SATB1: variants seen among roughly 807,000 people sequenced by gnomAD.
The protein encoded by SATB1 is DNA-binding protein SATB1.
A neutral mutation model predicts 86.9 loss-of-function variants in SATB1; 11 were observed. The ratio of observed to expected loss-of-function variants is 0.13; its 90% confidence interval spans 0.08 to 0.21. SATB1 has a LOEUF of 0.21. Among genes scored for constraint, SATB1 ranks in the 10% least tolerant of loss-of-function variants. The pLI is 1.00. For synonymous variants in SATB1, 357 were observed against 357.2 expected (o/e 1.00, Z 0.01); for missense variants, 551 against 937.6 (o/e 0.59, Z 5.39).
Position 18,352,961 on chromosome 3 carries a change from A to G in SATB1, c.1576-766T>C, listed in dbSNP as rs764288674. 2.6e-5 allele frequency: 4 copies of G among 152,192 alleles called. No homozygotes were observed. Among genetic ancestry groups the G allele is most frequent in the Non-Finnish European group, 4.4e-5 (3 of 68,116 alleles). The allele number at this position is 152,192 out of a possible 1,614,324, so 9.4% of individuals were successfully genotyped here. On this transcript the variant is annotated intron_variant, in intron 9 of 10. Transcript: ENST00000338745. This position sits in a 1 kb window ranked among gnomAD's most constrained non-coding sequence, Gnocchi z 4.1. ...CAGTTTTTTTACCCTGAGGTTATCT[A>G]TCAAGAACTGAATGATCATGAAGAA...
intron 5 of SATB1, among the ~76,000 whole-genome samples, chr3:18,402,639 G>T (rs1344095005): frequency 6.6e-6 from 1 of 152,122 alleles, no homozygotes; most frequent in Non-Finnish European, 1.5e-5. Flanking sequence ...TGTACCGGAA[G>T]CCAGCAGCTT....
chr3:18,352,364 T>C lies in SATB1; in HGVS notation c.1576-169A>G. The C allele has an allele frequency of 1.7e-6, 1 of 595,396 alleles. No homozygotes were observed. The highest frequency in any genetic ancestry group is 3.0e-5 in the Admixed American group (1 of 33,706). 36.9% of individuals were successfully genotyped at this position (595,396 alleles called of 1,614,324 possible). On this transcript the variant is annotated intron_variant, in intron 9 of 10. Transcript: ENST00000338745. The surrounding 1 kb of genome is among the most constrained non-coding windows in gnomAD (Gnocchi z 4.1). ...CTTGTTAAGAGAGGTTATCTGTGGCTGTCAAGGAGGCAGACTCTGTTTCTA... is the reference window on the plus strand; with the variant it reads ...CTTGTTAAGAGAGGTTATCTGTGGCCGTCAAGGAGGCAGACTCTGTTTCTA...
chr3:18,353,072 T>C (rs1398034229), intron 9 of SATB1: 1 of 152,286 alleles, frequency 6.6e-6, no homozygotes, highest in Non-Finnish European at 1.5e-5. Context: ...TAAGGGTGTC[T>C]GATCCAGACC....
At chr3:18,378,718 G>A (rs1695890354) in intron 8 of SATB1, among the ~76,000 whole-genome samples, 1 of 152,116 alleles carries the variant, frequency 6.6e-6, no homozygotes, top group Non-Finnish European at 1.5e-5. Context: ...TTCACTGGGT[G>A]CCCGGTGCCT....
intron 9 of SATB1, among the ~76,000 whole-genome samples, chr3:18,367,646 A>C (rs1164275803): frequency 1.3e-5 from 2 of 152,190 alleles, no homozygotes; most frequent in Non-Finnish European, 2.9e-5. Flanking sequence ...AATTTAATGA[A>C]AAGATGTGCT....
intron 9 of SATB1, among the ~76,000 whole-genome samples, chr3:18,365,791 C>A (rs1292278054): frequency 6.6e-6 from 1 of 152,116 alleles, no homozygotes; most frequent in African/African-American, 2.4e-5. Context: ...TTATGGTTAT[C>A]CAGGGTCCAA....
intron 5 of SATB1, among the ~76,000 whole-genome samples, chr3:18,399,908 G>C (rs181072067): frequency 1.3e-5 from 2 of 152,182 alleles, no homozygotes; most frequent in Admixed American, 1.3e-4. Flanking sequence ...TTCATGAGGT[G>C]TATGTGTGTG....
At chr3:18,400,333 C>A (rs958038215) in intron 5 of SATB1, among the ~76,000 whole-genome samples, 11 of 152,150 alleles carry the variant, frequency 7.2e-5, no homozygotes, top group African/African-American at 2.7e-4. Flanking sequence ...AATATAAACA[C>A]TAAATGTTCA....
intron 2 of SATB1, among the ~76,000 whole-genome samples, chr3:18,436,595 A>T (rs1001063291): frequency 9.2e-5 from 14 of 152,020 alleles, no homozygotes; most frequent in African/African-American, 3.4e-4. Context: ...AAAACAGAAA[A>T]TTAGAAAGAA....
rs1553613719 is a variant in SATB1, at chr3:18,349,662, T to TTGCTGTTGC, written c.1791_1799dup (p.Gln605_Gln607dup). 6.2e-7 allele frequency: 1 copy of TTGCTGTTGC among 1,603,632 alleles called. No individual in the cohort carries two copies. Among genetic ancestry groups the TTGCTGTTGC allele is most frequent in the African/African-American group, 1.3e-5 (1 of 74,766 alleles). ...GTGCCTGCTGCTGCTGCTGCTGCTG[T>TTGCTGTTGC]TGCTGTTGCTGCTGCTGTTGCTGCA... On this transcript the variant is annotated inframe_insertion, in exon 11 of 11. Coordinates refer to ENST00000338745, the MANE Select transcript of SATB1 (RefSeq NM_002971.6). This position sits in a 1 kb window ranked among gnomAD's most constrained non-coding sequence, Gnocchi z 5.5.
intron 5 of SATB1, among the ~76,000 whole-genome samples, chr3:18,404,469 C>G (rs1423092592): frequency 6.6e-6 from 1 of 151,984 alleles, no homozygotes; most frequent in Non-Finnish European, 1.5e-5. Context: ...CAAAGTAACC[C>G]TGGCACATTG....
At position 18,386,254 on chromosome 3, in the gene SATB1, G is replaced by T; in HGVS notation, c.1419+145C>A. On this transcript the variant is annotated intron_variant, in intron 8 of 10. Coordinates refer to ENST00000338745, the MANE Select transcript of SATB1 (RefSeq NM_002971.6). The surrounding 1 kb of genome is among the most constrained non-coding windows in gnomAD (Gnocchi z 4.5). ...GTTTTTATATCAGAATTAATGATTT[G>T]GGACCAAATTCTCCTCAAGCAACTA... is the stretch of plus-strand genomic sequence containing the variant. 1.5e-6 allele frequency: 1 copy of T among 645,224 alleles called. No homozygotes were observed. The highest frequency in any genetic ancestry group is 2.7e-6 in the Non-Finnish European group (1 of 377,200). 40.0% of individuals were successfully genotyped at this position (645,224 alleles called of 1,614,324 possible).
intron 3 of SATB1, 126 bp downstream of exon 3, chr3:18,416,776 C>T: frequency 1.1e-6 from 1 of 918,306 alleles, no homozygotes; most frequent in Non-Finnish European, 1.6e-6. Context: ...TTTAAAGCCA[C>T]AGCCTATAAG....
At chr3:18,437,365 G>T (rs1174183280) in intron 1 of SATB1, among the ~76,000 whole-genome samples, 1 of 152,002 alleles carries the variant, frequency 6.6e-6, no homozygotes, top group Non-Finnish European at 1.5e-5. Flanking sequence ...AAATTAAGTT[G>T]CTTTAGTAGA....
intron 2 of SATB1, 63 bp from the exon 3 acceptor site, chr3:18,417,141 G>A: frequency 6.6e-7 from 1 of 1,519,452 alleles, no homozygotes; most frequent in Non-Finnish European, 9.0e-7. Context: ...CAGCTTGGGG[G>A]TGGCGGGAGG....
intron 9 of SATB1, among the ~76,000 whole-genome samples, chr3:18,374,518 G>A (rs531836569): frequency 6.6e-6 from 1 of 152,226 alleles, no homozygotes; most frequent in Admixed American, 6.5e-5. Context: ...CTCACATTAT[G>A]TTTAAAGCAT....
At chr3:18,366,762 T>C (rs1695208174) in intron 9 of SATB1, among the ~76,000 whole-genome samples, 1 of 152,156 alleles carries the variant, frequency 6.6e-6, no homozygotes, top group African/African-American at 2.4e-5. Flanking sequence ...ACTCACACCA[T>C]GTAATATGGA....
rs539701376 is a variant in SATB1 at position 18,345,864 on chromosome 3, G to C, written c.*3306C>G. ...CAATCAAAGACCTTAATATCAGCCA[G>C]ATGCTAACAATTGGGAATAGGGCAG... On this transcript the variant is annotated 3_prime_UTR_variant, in exon 11 of 11. Transcript: ENST00000338745. The C allele has an allele frequency of 6.6e-6, 1 of 152,058 alleles. No homozygotes were observed. Among genetic ancestry groups the C allele is most frequent in the Non-Finnish European group, 1.5e-5 (1 of 67,960 alleles). 9.4% of individuals were successfully genotyped at this position (152,058 alleles called of 1,614,324 possible).
intron 7 of SATB1, among the ~76,000 whole-genome samples, chr3:18,389,870 G>T (rs1696557001): frequency 6.6e-6 from 1 of 152,064 alleles, no homozygotes; most frequent in Admixed American, 6.6e-5. Context: ...ATCAGAAGCT[G>T]CCTTTCATTG....
Sources: gnomAD v4.1 joint callset for allele counts (sites outside exome capture counted in the v4.1 genomes callset) on GRCh38, gnomAD v4.1.1 for gene constraint, Gnocchi (gnomAD v3.1) non-coding constraint, MANE v1.5 for transcripts, NCBI Gene and HGNC (gene_info 2026-07-23, HGNC 2026-07-21) for gene names.